PLCZ1: variants seen among roughly 807,000 people sequenced by gnomAD.
PLCZ1 encodes the protein phospholipase C zeta 1.
In PLCZ1, 64 loss-of-function variants were observed where a neutral mutation model predicts 76.8. The ratio of observed to expected loss-of-function variants is 0.83; its 90% CI spans 0.68 to 1.03. The LOEUF (loss-of-function observed/expected upper bound fraction) is 1.03. PLCZ1 is among the 50% of genes least tolerant of loss of function. The pLI is 0.00. For missense variants in PLCZ1, 751 were observed against 713.7 expected, an observed-to-expected ratio of 1.05 and a Z score of -0.60; for synonymous variants, 248 against 230.8, an observed-to-expected ratio of 1.07 and a Z score of -0.68.
chr12:18,682,743 C>T (rs1337392495), downstream of PLCZ1, among the ~76,000 whole-genome samples: 2 of 151,922 alleles, frequency 1.3e-5, no homozygotes, highest in African/African-American at 4.8e-5. Context: ...CAGTGCACAG[C>T]ATCTAAGAAC....
chr12:18,680,719 C>T (rs1293105943), downstream of PLCZ1, among the ~76,000 whole-genome samples: 1 of 152,028 alleles, frequency 6.6e-6, no homozygotes, highest in Non-Finnish European at 1.5e-5. Flanking sequence ...TTGCTCACTA[C>T]AAAAGGAGAC....
At chr12:18,726,290 A>C (rs1045666127) in intron 3 of PLCZ1, among the ~76,000 whole-genome samples, 1 of 152,212 alleles carries the variant, frequency 6.6e-6, no homozygotes, top group African/African-American at 2.4e-5. Flanking sequence ...TTAAACATAC[A>C]ACATAAAATA....
chr12:18,677,692 A>G, the PLCZ1 span, among the ~76,000 whole-genome samples: 9 of 152,260 alleles, frequency 5.9e-5, no homozygotes, highest in South Asian at 6.2e-4. Context: ...AAAAGACATC[A>G]GTATTTTTAA....
In PLCZ1 at chr12:18,712,936, G is replaced by A. The variant is rs376004144; in HGVS notation, c.620C>T (p.Ala207Val). The A allele has an allele frequency of 5.1e-5, 83 of 1,613,762 alleles. No homozygotes were observed. In the Middle Eastern group the frequency reaches 2.0e-3, roughly 38 times the overall value. The change falls in exon 6 of 15, where the codon GCA becomes GTA. Residue 207 changes from alanine (A) to valine (V), a missense_variant. Transcript: ENST00000266505. ...ATGATATACAACAGGTTCATTTTGT[G>A]CTCCATCCCAGCAGTCAATCTCCAA... ...RCLEIDCWDGAQNEPVVYHGY... is the reference protein window; with the variant it reads ...RCLEIDCWDGVQNEPVVYHGY...
chr12:18,711,612 G>A (rs1957353700), intron 6 of PLCZ1, among the ~76,000 whole-genome samples: 1 of 151,182 alleles, frequency 6.6e-6, no homozygotes, highest in Non-Finnish European at 1.5e-5. Context: ...ACTGAGAGAA[G>A]GAGAAGTAGG....
At chr12:18,650,191 CT>C in the PLCZ1 span, among the ~76,000 whole-genome samples, 1 of 151,804 alleles carries the variant, frequency 6.6e-6, no homozygotes, top group Non-Finnish European at 1.5e-5. Flanking sequence ...TATTAGGGTT[CT>C]TTTCCCCCAG....
In PLCZ1 at chr12:18,719,447, G is replaced by T. The variant is rs755975788; in HGVS notation, c.553C>A (p.Leu185Ile). ...AATAAATACCTTACATATCCCCAAA[G>T]GTCACTTGGTCCCAATAATTGATCA... is the stretch of plus-strand genomic sequence containing the variant. ...VSDQLLGPSD[L>I]WGYVSALVKG... The change falls in exon 5 of 15, where the codon CTT (leucine) becomes ATT (isoleucine). Residue 185 changes from leucine to isoleucine, a missense_variant. Transcript: ENST00000266505. The T allele has an allele frequency of 6.6e-7, 1 of 1,523,858 alleles. No homozygotes were observed. The highest frequency in any genetic ancestry group is 8.9e-7 in the Non-Finnish European group (1 of 1,129,120). The allele number at this position is 1,523,858 out of a possible 1,614,324, so 94.4% of individuals were successfully genotyped here. A position where few individuals can be genotyped will look rare whatever the true frequency, so the allele number is the denominator to read the frequency against.
intron 5 of PLCZ1, among the ~76,000 whole-genome samples, chr12:18,716,985 G>A (rs1306874143): frequency 6.6e-6 from 1 of 152,006 alleles, no homozygotes; most frequent in Non-Finnish European, 1.5e-5. Context: ...TGAGGGAAAG[G>A]GAAGAAATAT....
In PLCZ1 at chr12:18,705,641, G is replaced by A. The variant is rs573131853; in HGVS notation, c.715-326C>T. 2.0e-3 allele frequency among the ~76,000 whole-genome samples: 305 copies of A among 151,910 alleles called. 1 individual carries two copies. The highest frequency in any genetic ancestry group is 3.4e-3 in the Middle Eastern group (1 of 292). On this transcript the variant is annotated intron_variant, in intron 6 of 14. Coordinates refer to ENST00000266505, the MANE Select transcript of PLCZ1 (RefSeq NM_033123.4). ...AGCACTTTGGGAGGCTGAGGCGGGC[G>A]GATCACCTGAGGTCAGGAGTTCGAG...
chr12:18,673,976 A>T, the PLCZ1 span, among the ~76,000 whole-genome samples: 2 of 152,222 alleles, frequency 1.3e-5, no homozygotes, highest in Non-Finnish European at 2.9e-5. Context: ...CATCACCTTC[A>T]TGTTGCTGTA....
chr12:18,671,199 A>G, the PLCZ1 span, among the ~76,000 whole-genome samples: 48 of 151,756 alleles, frequency 3.2e-4, no homozygotes, highest in African/African-American at 9.4e-4. Flanking sequence ...AAAAAAAAAA[A>G]AAAGAAAGAA....
intron 1 of PLCZ1, 166 bp from the exon 2 acceptor site, chr12:18,737,675 T>G: frequency 2.0e-6 from 1 of 507,888 alleles, no homozygotes; most frequent in Non-Finnish European, 3.6e-6. Flanking sequence ...CCACAATATT[T>G]GAAAACACAG....
chr12:18,694,155 G>T (rs1435430845), intron 12 of PLCZ1: 8 of 750,578 alleles, frequency 1.1e-5, no homozygotes, highest in Non-Finnish European at 1.8e-5. Flanking sequence ...CCCTGAAAGG[G>T]ATGAGGCTGG....
intron 6 of PLCZ1, among the ~76,000 whole-genome samples, chr12:18,708,947 C>G (rs544877908): frequency 1.9e-4 from 29 of 152,118 alleles, no homozygotes; most frequent in South Asian, 1.7e-3. Context: ...TATTTTTTCC[C>G]CAATTCATAG....
At chr12:18,685,197 A>G (rs1008881068) in intron 13 of PLCZ1, among the ~76,000 whole-genome samples, 1 of 152,060 alleles carries the variant, frequency 6.6e-6, no homozygotes, top group Non-Finnish European at 1.5e-5. Context: ...CCTTCTTTAG[A>G]CTAAGTGCTC....
the PLCZ1 span, among the ~76,000 whole-genome samples, chr12:18,669,527 C>A: frequency 6.6e-6 from 1 of 152,170 alleles, no homozygotes; most frequent in South Asian, 2.1e-4. Context: ...ATTTATTTCT[C>A]ACAGTTCTGG....
intron 11 of PLCZ1, 121 bp from the exon 12 acceptor site, chr12:18,695,200 C>T: frequency 4.3e-6 from 4 of 936,350 alleles, no homozygotes; most frequent in Non-Finnish European, 6.6e-6. Context: ...GAGCAAGTAT[C>T]ATTAGCCTAA....
chr12:18,680,902 C>G (rs1952347303), downstream of PLCZ1, among the ~76,000 whole-genome samples: 1 of 151,970 alleles, frequency 6.6e-6, no homozygotes. Flanking sequence ...TAAATCTTAT[C>G]TATATGATGA....
At chr12:18,685,636 A>C (rs941085025) in intron 13 of PLCZ1, 2 of 516,980 alleles carry the variant, frequency 3.9e-6, no homozygotes, top group African/African-American at 3.9e-5. Flanking sequence ...CTCATGCTGG[A>C]ATAATGACCA....
Sources: allele counts gnomAD v4.1 joint callset (sites outside exome capture counted in the v4.1 genomes callset), GRCh38; gene constraint gnomAD v4.1.1; transcripts MANE v1.5; gene names NCBI Gene and HGNC (gene_info 2026-07-23, HGNC 2026-07-21).